SORCS3: variants seen among roughly 807,000 people sequenced by gnomAD.
SORCS3 encodes the protein sortilin related VPS10 domain containing receptor 3, also known as VPS10 domain-containing receptor SorCS3.
SORCS3 carries 57 observed loss-of-function variants against 146.3 expected under a neutral mutation model. The observed-to-expected ratio is 0.39, with a 90% CI of 0.31 to 0.49. The LOEUF is 0.49. Among genes scored for constraint, SORCS3 ranks in the 20% least tolerant of loss-of-function variants. The pLI is 0.92. For synonymous variants in SORCS3, 653 were observed against 618.5 expected (o/e 1.06, Z -0.83); for missense variants, 1,341 against 1,575.5 (o/e 0.85, Z 2.52).
intron 1 of SORCS3, among the ~76,000 whole-genome samples, chr10:104,720,941 A>G (rs1327453135): frequency 6.6e-6 from 1 of 152,054 alleles, no homozygotes; most frequent in Non-Finnish European, 1.5e-5. Flanking sequence ...GTTCACTCTG[A>G]TGGTGGTTTC....
chr10:105,038,943 A>G (rs995361836), intron 4 of SORCS3, among the ~76,000 whole-genome samples: 2 of 152,052 alleles, frequency 1.3e-5, no homozygotes, highest in African/African-American at 4.8e-5. Flanking sequence ...AGAGGACAAA[A>G]AGAAGAACAT....
At chr10:104,944,531 TA>T (rs1177506006) in intron 3 of SORCS3, among the ~76,000 whole-genome samples, 1 of 152,082 alleles carries the variant, frequency 6.6e-6, no homozygotes, top group East Asian at 1.9e-4. Flanking sequence ...ACTGACGACT[TA>T]AAAAAATGGG....
At chr10:105,061,704 AC>A (rs2055488843) in intron 5 of SORCS3, among the ~76,000 whole-genome samples, 1 of 150,872 alleles carries the variant, frequency 6.6e-6, no homozygotes, top group Admixed American at 6.6e-5. Flanking sequence ...TCTCAGGAAC[AC>A]CACCACCTTT....
intron 1 of SORCS3, among the ~76,000 whole-genome samples, chr10:104,737,699 C>G (rs1308914192): frequency 1.3e-5 from 2 of 151,946 alleles, no homozygotes; most frequent in East Asian, 3.8e-4. Flanking sequence ...GAGTAGGTTG[C>G]GAAAATTTTC....
At chr10:104,719,539 A>G (rs2016518987) in intron 1 of SORCS3, among the ~76,000 whole-genome samples, 1 of 152,224 alleles carries the variant, frequency 6.6e-6, no homozygotes, top group South Asian at 2.1e-4. Context: ...ACATTACTCC[A>G]TATCTCTATC....
intron 2 of SORCS3, among the ~76,000 whole-genome samples, chr10:104,864,458 C>T (rs550269168): frequency 6.6e-6 from 1 of 152,162 alleles, no homozygotes; most frequent in African/African-American, 2.4e-5. Context: ...ACATTCAGTC[C>T]CTTCAGGGTT....
chr10:104,641,933 C>T lies in SORCS3; in HGVS notation c.606C>T (p.His202=), dbSNP rs756963347. 2.9e-6 allele frequency: 4 copies of T among 1,402,272 alleles called. No individual in the cohort carries two copies. The highest frequency in any genetic ancestry group is 3.8e-6 in the Non-Finnish European group (4 of 1,057,500). The allele number at this position is 1,402,272 out of a possible 1,614,324, so 86.9% of individuals were successfully genotyped here. Residue 202 remains histidine, a synonymous_variant, in exon 1 of 27, where the codon CAC becomes CAT. Coordinates refer to ENST00000369701, the MANE Select transcript of SORCS3 (RefSeq NM_014978.3). This position sits in a 1 kb window ranked among gnomAD's most constrained non-coding sequence, Gnocchi z 6.4. Reference sequence around the variant, plus strand: ...CGGCCCACAACCAAGCCATGGTGCACTGGTCGGGACACAACAGCAGCGTGA... The same window carrying T: ...CGGCCCACAACCAAGCCATGGTGCATTGGTCGGGACACAACAGCAGCGTGA... ...GDSAHNQAMV[H]WSGHNSSVIL...
chr10:105,147,428 T>C (rs1011477662), intron 8 of SORCS3, among the ~76,000 whole-genome samples, 189 bp from the exon 9 acceptor site: 2 of 152,160 alleles, frequency 1.3e-5, no homozygotes, highest in African/African-American at 4.8e-5. Context: ...CATTTTGCTG[T>C]CACTTAGCAA....
chr10:104,893,560 GC>G (rs1440062064), intron 2 of SORCS3, among the ~76,000 whole-genome samples: 8 of 152,180 alleles, frequency 5.3e-5, no homozygotes, highest in Non-Finnish European at 1.0e-4. Context: ...CAGATGACAA[GC>G]CTTTTGTCCC....
At chr10:105,071,070 G>T (rs2055553562) in intron 5 of SORCS3, among the ~76,000 whole-genome samples, 1 of 152,282 alleles carries the variant, frequency 6.6e-6, no homozygotes, top group South Asian at 2.1e-4. Context: ...TCCATTTGGA[G>T]AGTGTAGGAC....
intron 13 of SORCS3, among the ~76,000 whole-genome samples, chr10:105,171,209 T>A (rs1388077534): frequency 2.0e-5 from 3 of 152,190 alleles, no homozygotes; most frequent in Non-Finnish European, 4.4e-5. Context: ...TTCCTACAAA[T>A]TGAAATGATA....
chr10:105,187,106 TG>T (rs2056481919), intron 14 of SORCS3, among the ~76,000 whole-genome samples: 1 of 152,168 alleles, frequency 6.6e-6, no homozygotes, highest in South Asian at 2.1e-4. Context: ...GAATCAAAGT[TG>T]TTTGGACTAG....
chr10:104,932,852 C>T (rs527414681), intron 3 of SORCS3, among the ~76,000 whole-genome samples: 1 of 152,204 alleles, frequency 6.6e-6, no homozygotes, highest in South Asian at 2.1e-4. Context: ...TTACCACTCC[C>T]AGCTATTCTT....
chr10:105,004,201 A>G (rs999683741), intron 4 of SORCS3, among the ~76,000 whole-genome samples: 2 of 152,146 alleles, frequency 1.3e-5, no homozygotes, highest in African/African-American at 2.4e-5. Context: ...GGTTGGGGCC[A>G]GAGCAGGATG....
At chr10:105,049,048 G>T (rs767059973) in intron 5 of SORCS3, among the ~76,000 whole-genome samples, 50 of 152,110 alleles carry the variant, frequency 3.3e-4, no homozygotes, top group African/African-American at 1.1e-3. Flanking sequence ...GTATGCATAG[G>T]TCTTTAACAT....
rs1200160817 is a variant in SORCS3, at chr10:105,072,657, CTCTTTTTT to C, written c.1029-17116_1029-17109del. On this transcript the variant is annotated intron_variant, in intron 5 of 26. Coordinates refer to ENST00000369701, the MANE Select transcript of SORCS3 (RefSeq NM_014978.3). The stretch of plus-strand genomic sequence containing the variant: ...AAACCTTTTCTTTCTTTCTCTCTCT[CTCTTTTTT>C]TTTTTTTTTTTTTTTTTTTTTGGTG... 5.8e-3 allele frequency among the ~76,000 whole-genome samples: 640 copies of C among 110,388 alleles called. 58 individuals carry two copies. Among genetic ancestry groups the C allele is most frequent in the African/African-American group, 0.02 (586 of 29,760 alleles). 72.4% of individuals were successfully genotyped at this position (110,388 alleles called of 152,430 possible).
chr10:105,062,781 A>G (rs991156791), intron 5 of SORCS3, among the ~76,000 whole-genome samples: 2 of 152,244 alleles, frequency 1.3e-5, no homozygotes, highest in Admixed American at 6.5e-5. Context: ...TGTCCAAGGA[A>G]GTGCCCAGTT....
At chr10:105,137,730 T>A (rs1462331352) in intron 7 of SORCS3, among the ~76,000 whole-genome samples, 2 of 152,218 alleles carry the variant, frequency 1.3e-5, no homozygotes, top group Non-Finnish European at 2.9e-5. Flanking sequence ...AATCAGAGAC[T>A]CTGCAGATGG....
chr10:105,001,329 G>A (rs1220341403), intron 4 of SORCS3, among the ~76,000 whole-genome samples: 7 of 152,144 alleles, frequency 4.6e-5, no homozygotes, highest in Non-Finnish European at 7.3e-5. Flanking sequence ...AAGGAGAATC[G>A]TGTAAAGTTT....
Sources: gnomAD v4.1 joint callset for allele counts (sites outside exome capture counted in the v4.1 genomes callset) on GRCh38, gnomAD v4.1.1 for gene constraint, Gnocchi (gnomAD v3.1) non-coding constraint, MANE v1.5 for transcripts, NCBI Gene and HGNC (gene_info 2026-07-23, HGNC 2026-07-21) for gene names.